The following GLS variants were observed in gnomAD, a reference collection of about 807,000 sequenced individuals.
GLS encodes glutaminase.
A neutral mutation model predicts 86.7 loss-of-function variants in GLS; 36 were observed. The ratio of observed to expected loss-of-function variants is 0.42; its 90% CI spans 0.32 to 0.55. The LOEUF is 0.55. Among genes scored for constraint, GLS ranks in the 20% least tolerant of loss-of-function variants. The pLI is 0.17. For synonymous variants in GLS, 317 were observed against 305.9 expected (o/e 1.04, Z -0.38); for missense variants, 528 against 833.4 (o/e 0.63, Z 4.51).
rs1340030059 is a variant in GLS at position 190,943,282 on chromosome 2, T to G, written c.1651-10283T>G. Among the ~76,000 whole-genome samples the G allele has an allele frequency of 3.3e-5, 5 of 152,172 alleles. No homozygotes were observed. The highest frequency in any genetic ancestry group is 1.2e-4 in the African/African-American group (5 of 41,446). On this transcript the variant is annotated intron_variant, in intron 14 of 17. Coordinates refer to ENST00000320717, the MANE Select transcript of GLS (RefSeq NM_014905.5). The surrounding 1 kb of genome is among the most constrained non-coding windows in gnomAD (Gnocchi z 4.5). ...AACTTAGAGCAGTGTAAGTTGGAGC[T>G]ATAATTTTGTGAGTGGTCAGTATGA...
intron 14 of GLS, among the ~76,000 whole-genome samples, chr2:190,939,952 C>T (rs1184910855): frequency 6.6e-6 from 1 of 151,248 alleles, no homozygotes; most frequent in Non-Finnish European, 1.5e-5. Flanking sequence ...TATTTTGGGC[C>T]AAAATGAGGT....
At position 190,913,650 on chromosome 2, in the gene GLS, T is replaced by C. The variant is rs1339802622; in HGVS notation, c.1038+3329T>C. The C allele has an allele frequency of 1.0e-6, 1 of 977,348 alleles. No homozygotes were observed. Among genetic ancestry groups the C allele is most frequent in the Non-Finnish European group, 1.2e-6 (1 of 822,526 alleles). 60.5% of individuals were successfully genotyped at this position (977,348 alleles called of 1,614,324 possible). On this transcript the variant is annotated intron_variant, in intron 7 of 17. Coordinates refer to ENST00000320717, the MANE Select transcript of GLS (RefSeq NM_014905.5). This position sits in a 1 kb window ranked among gnomAD's most constrained non-coding sequence, Gnocchi z 6.1. Reference sequence around the variant, plus strand: ...CACTGGTAAAAATTTCACGTAGTTTTAGTTTAAAAGTTAAGATCTGGTGAT... The same window carrying C: ...CACTGGTAAAAATTTCACGTAGTTTCAGTTTAAAAGTTAAGATCTGGTGAT...
Position 190,954,207 on chromosome 2 carries a change from T to TA in GLS, c.1713-377_1713-376insA, listed in dbSNP as rs1690800190. On this transcript the variant is annotated intron_variant, in intron 15 of 17. Transcript: ENST00000320717. The surrounding 1 kb of genome is among the most constrained non-coding windows in gnomAD (Gnocchi z 4.0). ...TGACAAGTACTAGTAGACTGTGAAA[T>TA]GTTTAAGAATGGGAGTCTTAGTAAA... 6.6e-6 allele frequency among the ~76,000 whole-genome samples: 1 copy of TA among 152,050 alleles called. No individual in the cohort carries two copies. The highest frequency in any genetic ancestry group is 1.5e-5 in the Non-Finnish European group (1 of 68,022).
At chr2:190,941,365 CAA>C (rs1458888830) in intron 14 of GLS, among the ~76,000 whole-genome samples, 1 of 151,982 alleles carries the variant, frequency 6.6e-6, no homozygotes, top group Non-Finnish European at 1.5e-5. Context: ...TTATGAGACA[CAA>C]ATATGCAATG....
At chr2:190,909,053 T>TACTAATTTAA (rs778692037) in intron 6 of GLS, among the ~76,000 whole-genome samples, 1 of 152,214 alleles carries the variant, frequency 6.6e-6, no homozygotes, top group African/African-American at 2.4e-5. Context: ...AACTAATTTA[T>TACTAATTTAA]ACTAATTTAA....
intron 11 of GLS, 197 bp from the exon 12 acceptor site, chr2:190,927,109 C>T: frequency 2.0e-6 from 1 of 491,446 alleles, no homozygotes; most frequent in Non-Finnish European, 3.6e-6. Flanking sequence ...TATCTTTGGC[C>T]AAATCAGGGT....
chr2:190,902,305 G>C (rs891126156), intron 5 of GLS, among the ~76,000 whole-genome samples: 13 of 152,156 alleles, frequency 8.5e-5, no homozygotes, highest in African/African-American at 3.1e-4. Flanking sequence ...AGAAAAGCAG[G>C]CTTGTCAAAA....
chr2:190,915,291 C>T (rs1243644136), intron 7 of GLS, among the ~76,000 whole-genome samples: 3 of 151,910 alleles, frequency 2.0e-5, no homozygotes, highest in African/African-American at 4.8e-5. Flanking sequence ...TGAGCCACCG[C>T]GCCCGGCCTA....
chr2:190,883,554 A>C (rs745855975), intron 1 of GLS, among the ~76,000 whole-genome samples: 1 of 152,266 alleles, frequency 6.6e-6, no homozygotes, highest in Non-Finnish European at 1.5e-5. Flanking sequence ...TAAATGACAC[A>C]TAACTATTTA....
At chr2:190,887,109 C>T (rs904663358) in intron 1 of GLS, among the ~76,000 whole-genome samples, 6 of 152,084 alleles carry the variant, frequency 3.9e-5, no homozygotes, top group Non-Finnish European at 7.4e-5. Flanking sequence ...GCCTTTTCAC[C>T]TTTAAGTCAT....
rs890361356 is a variant in GLS at position 190,947,119 on chromosome 2, T to G, written c.1651-6446T>G. On this transcript the variant is annotated intron_variant, in intron 14 of 17. Coordinates refer to ENST00000320717, the MANE Select transcript of GLS (RefSeq NM_014905.5). This position sits in a 1 kb window ranked among gnomAD's most constrained non-coding sequence, Gnocchi z 5.0. ...AGTATATAATTCTAATAATTGCTAC[T>G]TACTCATAAGTACAGAATTATTAGG... Among the ~76,000 whole-genome samples, 33 of 152,338 alleles carry G rather than the reference T, an allele frequency of 2.2e-4. No homozygotes were observed. The highest frequency in any genetic ancestry group is 1.4e-3 in the South Asian group (7 of 4,828).
intron 17 of GLS, among the ~76,000 whole-genome samples, chr2:190,961,609 A>G (rs766876968): frequency 6.6e-6 from 1 of 152,028 alleles, no homozygotes; most frequent in Non-Finnish European, 1.5e-5. Flanking sequence ...TACATACTGT[A>G]GAGGATGACT....
In GLS at chr2:190,905,032, T is replaced by C; in HGVS notation, c.844T>C (p.Phe282Leu). ...RHSTGDTKVPFCLQSCVKPLK... is the reference protein window; with the variant it reads ...RHSTGDTKVPLCLQSCVKPLK... ...TTCTACTGGAGATACCAAAGTTCCC[T>C]TCTGTCTTCAGTCCTGTGTAAAACC... The change falls in exon 6 of 18, where the codon TTC (phenylalanine) becomes CTC (leucine). Residue 282 changes from phenylalanine to leucine, a missense_variant. Phe to Leu is a conservative substitution (Grantham distance 22). Transcript: ENST00000320717. The surrounding 1 kb of genome is among the most constrained non-coding windows in gnomAD (Gnocchi z 4.6). 3.7e-6 allele frequency: 6 copies of C among 1,601,796 alleles called. No homozygotes were observed. Among genetic ancestry groups the C allele is most frequent in the Non-Finnish European group, 5.1e-6 (6 of 1,169,444 alleles).
At chr2:190,896,893 C>T (rs1237112329) in intron 3 of GLS, among the ~76,000 whole-genome samples, 1 of 152,036 alleles carries the variant, frequency 6.6e-6, no homozygotes, top group East Asian at 1.9e-4. Context: ...ACTGTCTGCA[C>T]AATATTCTGA....
rs1331386274 is a variant in GLS, at chr2:190,927,302, T to C, written c.1249-4T>C. On this transcript the variant is annotated splice_polypyrimidine_tract_variant and splice_region_variant and intron_variant, in intron 11 of 17. Transcript: ENST00000320717. Reference sequence around the variant, plus strand: ...ATGAGAATTCTGCTTTTTCTTTGTGTTAGCTGTGCTCCATTGAAGTGACTT... The same window carrying C: ...ATGAGAATTCTGCTTTTTCTTTGTGCTAGCTGTGCTCCATTGAAGTGACTT... The C allele has an allele frequency of 1.2e-6, 2 of 1,600,822 alleles. No homozygotes were observed. Among genetic ancestry groups the C allele is most frequent in the Non-Finnish European group, 1.7e-6 (2 of 1,175,124 alleles).
rs1188223748 is a variant in GLS, at chr2:190,930,751, A to G, written c.1557+183A>G. 1.3e-5 allele frequency among the ~76,000 whole-genome samples: 2 copies of G among 152,190 alleles called. No homozygotes were observed. Among genetic ancestry groups the G allele is most frequent in the African/African-American group, 4.8e-5 (2 of 41,456 alleles). ...AAGTTGTCTCTGTCAGACAGCTCCC[A>G]TTTAATTATTCCCACAGATTATATT... On this transcript the variant is annotated intron_variant, in intron 13 of 17. Transcript: ENST00000320717. The surrounding 1 kb of genome is among the most constrained non-coding windows in gnomAD (Gnocchi z 5.0).
intron 1 of GLS, among the ~76,000 whole-genome samples, chr2:190,892,016 C>T (rs1043426345): frequency 2.6e-5 from 4 of 152,154 alleles, no homozygotes; most frequent in Admixed American, 2.6e-4. Flanking sequence ...TATTAGACCA[C>T]AGTGAAGTAG....
rs747889791 is a variant in GLS at position 190,954,848 on chromosome 2, T to C, written c.1853+30T>C. ...GCACTTATGTTACCTTCTAAATATG[T>C]CAGTATTTTATTATGCAGGACTGTA... On this transcript the variant is annotated intron_variant, in intron 17 of 17. Coordinates refer to ENST00000320717, the MANE Select transcript of GLS (RefSeq NM_014905.5). The surrounding 1 kb of genome is among the most constrained non-coding windows in gnomAD (Gnocchi z 4.0). The C allele has an allele frequency of 3.6e-6, 5 of 1,406,546 alleles. No individual in the cohort carries two copies. Among genetic ancestry groups the C allele is most frequent in the Non-Finnish European group, 3.0e-6 (3 of 1,007,412 alleles). 87.1% of individuals were successfully genotyped at this position (1,406,546 alleles called of 1,614,324 possible).
chr2:190,947,909 C>T lies in GLS; in HGVS notation c.1651-5656C>T, dbSNP rs886074844. Among the ~76,000 whole-genome samples the T allele has an allele frequency of 4.6e-5, 7 of 152,136 alleles. No individual in the cohort carries two copies. Among genetic ancestry groups the T allele is most frequent in the Non-Finnish European group, 7.3e-5 (5 of 68,028 alleles). On this transcript the variant is annotated intron_variant, in intron 14 of 17. Coordinates refer to ENST00000320717, the MANE Select transcript of GLS (RefSeq NM_014905.5). This position sits in a 1 kb window ranked among gnomAD's most constrained non-coding sequence, Gnocchi z 5.0. ...TCAGCTTAGTTGGAAATACTCGTGG[C>T]GCTCTTTAACAGACCAGGAAGCAGA...
Sources: gnomAD v4.1 joint callset for allele counts (sites outside exome capture counted in the v4.1 genomes callset) on GRCh38, gnomAD v4.1.1 for gene constraint, Gnocchi (gnomAD v3.1) non-coding constraint, MANE v1.5 for transcripts, NCBI Gene and HGNC (gene_info 2026-07-23, HGNC 2026-07-21) for gene names.